The following FMN1 variants were observed in gnomAD, a reference collection of about 807,000 sequenced individuals.
FMN1 encodes formin-1.
A neutral mutation model predicts 132.4 loss-of-function variants in FMN1; 110 were observed. That is an observed-to-expected ratio of 0.83 (90% CI 0.71 to 0.97). The LOEUF is 0.97. Among genes scored for constraint, FMN1 ranks in the 50% least tolerant of loss-of-function variants. The pLI is 0.00. For missense variants in FMN1, 1,792 were observed against 1,705.3 expected (o/e 1.05, Z -0.90); for synonymous variants, 722 against 651.7 (o/e 1.11, Z -1.64).
rs367765785 is a variant in FMN1, at chr15:33,067,562, T to C, written c.2044-2488A>G. Reference sequence around the variant, plus strand: ...GAGAGATGTCCCTGCTTCTTTTCTCTGACTTCCCTCTGATTCTGTCTCCAC... The same window carrying C: ...GAGAGATGTCCCTGCTTCTTTTCTCCGACTTCCCTCTGATTCTGTCTCCAC... On this transcript the variant is annotated intron_variant, in intron 5 of 20. Coordinates refer to ENST00000616417, the MANE Select transcript of FMN1 (RefSeq NM_001277313.2). 17 of 1,613,884 alleles carry C rather than the reference T, an allele frequency of 1.1e-5. No homozygotes were observed. The highest frequency in any genetic ancestry group is 9.3e-5 in the African/African-American group (7 of 74,926).
intron 16 of FMN1, among the ~76,000 whole-genome samples, chr15:32,862,397 C>A (rs2059291286): frequency 6.6e-6 from 1 of 152,284 alleles, no homozygotes; most frequent in East Asian, 1.9e-4. Flanking sequence ...AAGTTAGTTA[C>A]TACTAAGTGA....
chr15:33,163,600 T>TTTTG (rs1312523542), intron 3 of FMN1, among the ~76,000 whole-genome samples: 10 of 60,846 alleles, frequency 1.6e-4, no homozygotes, highest in Non-Finnish European at 4.8e-4. Flanking sequence ...GGCTGTTTTG[T>TTTTG]TTTGTTTTGT....
chr15:32,915,822 C>G (rs1291605512), intron 10 of FMN1, among the ~76,000 whole-genome samples: 1 of 152,208 alleles, frequency 6.6e-6, no homozygotes, highest in Admixed American at 6.5e-5. Context: ...CCTTAGTTGT[C>G]CCACTCACAC....
intron 17 of FMN1, among the ~76,000 whole-genome samples, chr15:32,815,564 A>T (rs2058035264): frequency 6.6e-6 from 1 of 152,220 alleles, no homozygotes; most frequent in African/African-American, 2.4e-5. Flanking sequence ...TACCTCATAT[A>T]AACCCCTCAT....
chr15:33,025,997 T>C (rs2035647120), intron 6 of FMN1, among the ~76,000 whole-genome samples: 1 of 152,002 alleles, frequency 6.6e-6, no homozygotes. Flanking sequence ...AAAGAAGAGA[T>C]AAAACTGGTA....
At chr15:32,775,305 TCCACCCAC>T (rs1418329847) in intron 20 of FMN1, among the ~76,000 whole-genome samples, 4 of 152,186 alleles carry the variant, frequency 2.6e-5, no homozygotes, top group Admixed American at 6.5e-5. Context: ...TTCCCTGATT[TCCACCCAC>T]CCACCCACAC....
intron 16 of FMN1, among the ~76,000 whole-genome samples, chr15:32,867,539 T>C (rs1049390219): frequency 1.3e-5 from 2 of 151,854 alleles, no homozygotes; most frequent in Non-Finnish European, 2.9e-5. Context: ...AGTCTCGCTC[T>C]TTCACCCAGG....
chr15:32,840,618 AT>A (rs917702482), intron 17 of FMN1, among the ~76,000 whole-genome samples: 1 of 152,190 alleles, frequency 6.6e-6, no homozygotes, highest in Non-Finnish European at 1.5e-5. Context: ...AAGCTTGGCT[AT>A]TTCGTTCAGT....
chr15:32,945,232 T>C (rs191695527), intron 9 of FMN1, among the ~76,000 whole-genome samples: 1 of 152,278 alleles, frequency 6.6e-6, no homozygotes, highest in Admixed American at 6.5e-5. Flanking sequence ...TACATAGATA[T>C]ATGTATGTTT....
rs930402126 is a variant in FMN1, at chr15:32,773,406, T to A, written c.*904A>T. On this transcript the variant is annotated 3_prime_UTR_variant, in exon 21 of 21. Coordinates refer to ENST00000616417, the MANE Select transcript of FMN1 (RefSeq NM_001277313.2). ...ACAGTCACAGCACATAACGTAGAAC[T>A]CGGCTGCGTATCAACACAACATTGC... The A allele has an allele frequency of 6.6e-6, 1 of 152,132 alleles. No individual in the cohort carries two copies. Among genetic ancestry groups the A allele is most frequent in the Non-Finnish European group, 1.5e-5 (1 of 68,054 alleles). The allele number at this position is 152,132 out of a possible 1,614,324, so 9.4% of individuals were successfully genotyped here. A position where few individuals can be genotyped will look rare whatever the true frequency, so the allele number is the denominator to read the frequency against.
At position 32,888,229 on chromosome 15, in the gene FMN1, G is replaced by A. The variant is rs147087661; in HGVS notation, c.3778C>T (p.Gln1260Ter). The A allele has an allele frequency of 2.5e-6, 4 of 1,612,810 alleles. No homozygotes were observed. In the African/African-American group the frequency reaches 4.0e-5, roughly 16 times the overall value. Residue 1260 changes from glutamine (Q) to a stop codon, truncating the protein, a stop_gained, in exon 16 of 21, where the codon CAA becomes TAA. Coordinates refer to ENST00000616417, the MANE Select transcript of FMN1 (RefSeq NM_001277313.2). LOFTEE classifies it high-confidence loss of function. ...TTTATGAGGTCTTCAAACTTGACTT[G>A]GGAGGCCAGAAAGAAATCCTGTGGT... is the stretch of plus-strand genomic sequence containing the variant. The part of the protein sequence containing the change: ...PEPQDFFLAS[Q>*]VKFEDLIKDL...
chr15:33,049,594 A>G (rs1596552517), intron 6 of FMN1, among the ~76,000 whole-genome samples: 1 of 152,256 alleles, frequency 6.6e-6, no homozygotes, highest in Admixed American at 6.5e-5. Context: ...TGTTAAATCA[A>G]GTTTAGTCTA....
chr15:33,076,382 C>T (rs987981311), intron 5 of FMN1, among the ~76,000 whole-genome samples: 3 of 152,150 alleles, frequency 2.0e-5, no homozygotes, highest in Non-Finnish European at 4.4e-5. Flanking sequence ...CACTTCATGG[C>T]TACTGCTATA....
At chr15:33,127,752 C>T (rs1963237640) in intron 4 of FMN1, among the ~76,000 whole-genome samples, 1 of 152,300 alleles carries the variant, frequency 6.6e-6, no homozygotes, top group African/African-American at 2.4e-5. Context: ...TAGGGGAAAC[C>T]AATGCCACAT....
chr15:33,013,489 T>C (rs531811094), intron 6 of FMN1, among the ~76,000 whole-genome samples: 1 of 48,966 alleles, frequency 2.0e-5, no homozygotes, highest in Non-Finnish European at 8.1e-5. Context: ...ATGAACCAAG[T>C]TGGGTTGTGA....
At chr15:32,920,939 C>T (rs1438164329) in intron 10 of FMN1, among the ~76,000 whole-genome samples, 1 of 152,214 alleles carries the variant, frequency 6.6e-6, no homozygotes, top group Non-Finnish European at 1.5e-5. Context: ...TCTCCACCTT[C>T]AGTCCTATTT....
At chr15:32,979,278 CGGCATGGTGG>C (rs919869431) in intron 7 of FMN1, among the ~76,000 whole-genome samples, 1 of 151,964 alleles carries the variant, frequency 6.6e-6, no homozygotes, top group Non-Finnish European at 1.5e-5. Flanking sequence ...ACCATTCGCC[CGGCATGGTGG>C]TTCACACCTG....
At chr15:33,150,911 A>C (rs1432341103) in intron 4 of FMN1, 8 of 1,017,038 alleles carry the variant, frequency 7.9e-6, no homozygotes, top group South Asian at 4.2e-5. Context: ...TGAATTATTC[A>C]CCCCTCTTTC....
At chr15:32,967,263 C>T (rs1370526724) in intron 8 of FMN1, among the ~76,000 whole-genome samples, 1 of 152,202 alleles carries the variant, frequency 6.6e-6, no homozygotes, top group Non-Finnish European at 1.5e-5. Context: ...CCCAGTGGGA[C>T]TCTTTGATGG....
Sources: gnomAD v4.1 joint callset for allele counts (sites outside exome capture counted in the v4.1 genomes callset) on GRCh38, gnomAD v4.1.1 for gene constraint, MANE v1.5 for transcripts, NCBI Gene and HGNC (gene_info 2026-07-23, HGNC 2026-07-21) for gene names.